The following CCNY variants were observed in gnomAD, a reference collection of about 807,000 sequenced individuals.
The protein encoded by CCNY is cyclin Y.
Under a neutral mutation model 42.8 loss-of-function variants are expected in CCNY, and 19 were observed. That is an observed-to-expected ratio of 0.44 (90% CI 0.31 to 0.65). The LOEUF (loss-of-function observed/expected upper bound fraction) is 0.65, where lower values mean the gene tolerates loss of function less well. CCNY is among the 30% of genes least tolerant of loss of function. CCNY has a pLI of 0.07. For synonymous variants in CCNY, 165 were observed against 162.7 expected (o/e 1.01, Z -0.11); for missense variants, 370 against 437.3 (o/e 0.85, Z 1.37).
chr10:35,296,346 G>A (rs555627625), intron 3 of CCNY, among the ~76,000 whole-genome samples: 1 of 152,280 alleles, frequency 6.6e-6, no homozygotes, highest in African/African-American at 2.4e-5. Context: ...TTGGGAGGCC[G>A]AGGCAGGTGG....
At chr10:35,393,066 A>G (rs1464338737) in intron 1 of CCNY, among the ~76,000 whole-genome samples, 1 of 151,922 alleles carries the variant, frequency 6.6e-6, no homozygotes, top group Non-Finnish European at 1.5e-5. Flanking sequence ...CCCTCTGCGC[A>G]TTGGTGCTAA....
chr10:35,431,998 C>T (rs1192153361), intron 1 of CCNY, among the ~76,000 whole-genome samples: 1 of 152,144 alleles, frequency 6.6e-6, no homozygotes, highest in Non-Finnish European at 1.5e-5. Context: ...TTCATTTTCT[C>T]TTGTCAAGGA....
chr10:35,402,921 T>C (rs550154457), intron 1 of CCNY, among the ~76,000 whole-genome samples: 2 of 152,258 alleles, frequency 1.3e-5, no homozygotes, highest in Admixed American at 1.3e-4. Flanking sequence ...GTGGGAAGGC[T>C]AAACTGAAGA....
chr10:35,457,299 G>A lies in CCNY; in HGVS notation c.155-26105G>A, dbSNP rs560126233. On this transcript the variant is annotated intron_variant, in intron 1 of 9. Coordinates refer to ENST00000374704, the MANE Select transcript of CCNY (RefSeq NM_145012.6). ...GGATGGCACCCTCATTAAAGTCTCC[G>A]CAGATGACTGCCTTGCTTCAGTCCC... 5.9e-5 allele frequency among the ~76,000 whole-genome samples: 9 copies of A among 152,252 alleles called. No individual in the cohort carries two copies. In the South Asian group the frequency reaches 6.2e-4, roughly 11 times the overall value.
chr10:35,284,337 C>A (rs1461134462), intron 3 of CCNY, among the ~76,000 whole-genome samples: 1 of 152,092 alleles, frequency 6.6e-6, no homozygotes, highest in Non-Finnish European at 1.5e-5. Context: ...TGAAAATGAG[C>A]ATATCCCTCA....
intron 3 of CCNY, among the ~76,000 whole-genome samples, chr10:35,288,836 T>C (rs1835382255): frequency 6.6e-6 from 1 of 152,234 alleles, no homozygotes; most frequent in South Asian, 2.1e-4. Context: ...TTTTCCTCAC[T>C]GCCTTGACTA....
chr10:35,323,580 G>C (rs1448534194), intron 3 of CCNY, among the ~76,000 whole-genome samples: 1 of 152,166 alleles, frequency 6.6e-6, no homozygotes, highest in East Asian at 1.9e-4. Flanking sequence ...CTCTAGAAAA[G>C]ACAAATCTGA....
At chr10:35,265,228 T>G (rs2095724018) in intron 3 of CCNY, among the ~76,000 whole-genome samples, 1 of 152,218 alleles carries the variant, frequency 6.6e-6, no homozygotes, top group South Asian at 2.1e-4. Flanking sequence ...AGGAATAGGC[T>G]GAGGGTATTA....
intron 3 of CCNY, among the ~76,000 whole-genome samples, chr10:35,296,493 A>G (rs1835473038): frequency 6.6e-6 from 1 of 152,216 alleles, no homozygotes; most frequent in Admixed American, 6.5e-5. Context: ...AGACAGGAGA[A>G]TTGCTTGAAT....
rs1840437409 is a variant in CCNY at position 35,516,683 on chromosome 10, T to TC, written c.365+60_365+61insC. The TC allele has an allele frequency of 5.6e-6, 6 of 1,062,810 alleles. No homozygotes were observed. The East Asian group carries it at 1.6e-4, about 28-fold the overall frequency. The allele number at this position is 1,062,810 out of a possible 1,614,324, so 65.8% of individuals were successfully genotyped here. A position where few individuals can be genotyped will look rare whatever the true frequency, so the allele number is the denominator to read the frequency against. On this transcript the variant is annotated intron_variant, in intron 4 of 9. Transcript: ENST00000374704. ...TTCCTTTTTTTTTTTTTTTTTTTTT[T>TC]TTTTTACTTAACTGAATGCTTTTTC...
intron 1 of CCNY, among the ~76,000 whole-genome samples, chr10:35,416,593 A>G (rs924124461): frequency 2.0e-5 from 3 of 152,182 alleles, no homozygotes; most frequent in Non-Finnish European, 2.9e-5. Flanking sequence ...AATTGAGCAA[A>G]TGGTGGTGAA....
At chr10:35,305,108 G>A (rs1056719405) in intron 3 of CCNY, among the ~76,000 whole-genome samples, 31 of 152,138 alleles carry the variant, frequency 2.0e-4, no homozygotes, top group Admixed American at 2.0e-3. Context: ...GGAGAAAACC[G>A]GAGACAGACT....
At chr10:35,471,448 G>A (rs958517667) in intron 1 of CCNY, among the ~76,000 whole-genome samples, 1 of 152,132 alleles carries the variant, frequency 6.6e-6, no homozygotes, top group African/African-American at 2.4e-5. Flanking sequence ...TATAACACTG[G>A]AAGGTAAACT....
intron 9 of CCNY, 45 bp downstream of exon 9, chr10:35,566,230 A>C (rs376420194): frequency 1.9e-6 from 3 of 1,574,064 alleles, no homozygotes; most frequent in Non-Finnish European, 2.6e-6. Flanking sequence ...TGTTGCCAAT[A>C]CATCATCTGA....
chr10:35,559,288 T>C (rs940018465), intron 8 of CCNY, among the ~76,000 whole-genome samples: 2 of 152,138 alleles, frequency 1.3e-5, no homozygotes, highest in African/African-American at 4.8e-5. Flanking sequence ...GTTCTAGTGT[T>C]TTGTGGAAAG....
chr10:35,410,381 TC>T (rs1416417954), intron 1 of CCNY, among the ~76,000 whole-genome samples: 1 of 152,184 alleles, frequency 6.6e-6, no homozygotes, highest in African/African-American at 2.4e-5. Flanking sequence ...GAGAGAAATT[TC>T]TAAGAGATTT....
intron 4 of CCNY, among the ~76,000 whole-genome samples, chr10:35,525,249 A>G (rs574459986): frequency 6.6e-6 from 1 of 152,314 alleles, no homozygotes; most frequent in African/African-American, 2.4e-5. Flanking sequence ...AAAGCTATAT[A>G]TCTTAAGCTA....
rs183741763 is a variant in CCNY, at chr10:35,499,483, A to G, written c.230-2018A>G. ...GAGATTTGGGTGGGGACACAGCCAA[A>G]CCATATCAGCTTTCTTGGTCGGACT... On this transcript the variant is annotated intron_variant, in intron 2 of 9. Transcript: ENST00000374704. 7.0e-3 allele frequency among the ~76,000 whole-genome samples: 1,066 copies of G among 152,272 alleles called. 10 individuals carry two copies. Among genetic ancestry groups the G allele is most frequent in the African/African-American group, 0.024 (1,017 of 41,546 alleles).
rs142577244 is a variant in CCNY at position 35,519,759 on chromosome 10, T to C, written c.365+3136T>C. 8.7e-5 allele frequency among the ~76,000 whole-genome samples: 13 copies of C among 150,056 alleles called. No homozygotes were observed. The East Asian group carries it at 2.5e-3, about 29-fold the overall frequency. ...AATTCAGTTGCTTTAAAAAGTATCT[T>C]CTTTTTCTTTTCTTTTCTTTTTTTT... is the stretch of plus-strand genomic sequence containing the variant. On this transcript the variant is annotated intron_variant, in intron 4 of 9. Transcript: ENST00000374704.
Sources: allele counts gnomAD v4.1 joint callset (sites outside exome capture counted in the v4.1 genomes callset), GRCh38; gene constraint gnomAD v4.1.1; transcripts MANE v1.5; gene names NCBI Gene and HGNC (gene_info 2026-07-23, HGNC 2026-07-21).